Variants in NDP observed in about 807,000 individuals in gnomAD.
NDP encodes the protein norrin.
In NDP, 2 loss-of-function variants were observed where a neutral mutation model predicts 8.4. The ratio of observed to expected loss-of-function variants is 0.24; its 90% CI spans 0.10 to 0.75. NDP has a LOEUF of 0.75. Ranked by LOEUF, NDP falls within the 30% of genes least tolerant of loss-of-function variation. The pLI is 0.73. For missense variants in NDP, 81 were observed against 110.1 expected (o/e 0.74, Z 1.18); for synonymous variants, 55 against 45.6 (o/e 1.21, Z -0.83).
chrX:43,965,701 T>C (rs1249005168), intron 1 of NDP, among the ~76,000 whole-genome samples: 1 of 111,698 alleles, frequency 9.0e-6, no homozygotes, highest in Non-Finnish European at 1.9e-5. Context: ...GAGCCACAGA[T>C]CCTCGTGCCC....
intron 2 of NDP, among the ~76,000 whole-genome samples, chrX:43,956,447 G>C (rs1180307747): frequency 8.9e-6 from 1 of 111,758 alleles, no homozygotes; most frequent in Non-Finnish European, 1.9e-5. Flanking sequence ...CTAGACATAG[G>C]CTAAATGTTT....
At chrX:43,963,657 C>T in intron 1 of NDP, among the ~76,000 whole-genome samples, 1 of 111,701 alleles carries the variant, frequency 9.0e-6, no homozygotes, top group Non-Finnish European at 1.9e-5. Context: ...ATCAGAAAAG[C>T]AAGAAACTCT....
chrX:43,961,762 T>C (rs1236310466), intron 1 of NDP, among the ~76,000 whole-genome samples: 1 of 111,569 alleles, frequency 9.0e-6, no homozygotes, highest in Non-Finnish European at 1.9e-5. Context: ...CCAGTTTGAG[T>C]ATTTTAAAAA....
intron 2 of NDP, 85 bp downstream of exon 2, chrX:43,958,387 T>A: frequency 9.2e-7 from 1 of 1,087,395 alleles, no homozygotes; most frequent in Non-Finnish European, 1.3e-6. Flanking sequence ...GGCTATGATC[T>A]TAGTTCTCCA....
intron 2 of NDP, among the ~76,000 whole-genome samples, chrX:43,955,125 A>C (rs1488925903): frequency 1.8e-5 from 2 of 111,703 alleles, no homozygotes; most frequent in Non-Finnish European, 3.8e-5. Context: ...CTTCTGCCCC[A>C]CCCTGTGCTT....
intron 2 of NDP, among the ~76,000 whole-genome samples, chrX:43,956,301 C>T (rs1486238977): frequency 8.9e-6 from 1 of 111,752 alleles, no homozygotes; most frequent in Non-Finnish European, 1.9e-5. Flanking sequence ...AATTGGCAGG[C>T]AAACAGTAGG....
chrX:43,953,404 C>T (rs774119582), intron 2 of NDP: 94 of 112,024 alleles, frequency 8.4e-4, no homozygotes, highest in African/African-American at 3.0e-3. Context: ...TGTTAAAAGG[C>T]AAGTTCTGAT....
chrX:43,953,326 A>G (rs936889755), intron 2 of NDP: 8 of 112,517 alleles, frequency 7.1e-5, no homozygotes, highest in Non-Finnish European at 1.5e-4. Context: ...CAGCACTTGA[A>G]CATCTCCTGA....
intron 2 of NDP, 86 bp from the exon 3 acceptor site, chrX:43,950,112 C>T: frequency 1.2e-6 from 1 of 864,154 alleles, no homozygotes; most frequent in East Asian, 3.4e-5. Flanking sequence ...GACCCTCACA[C>T]TCGTTGCCAA....
chrX:43,963,891 C>T (rs905116113), intron 1 of NDP, among the ~76,000 whole-genome samples: 4 of 112,749 alleles, frequency 3.5e-5, no homozygotes, highest in Non-Finnish European at 7.5e-5. Context: ...CAGTAGCAGC[C>T]AAGGAGCCAA....
At chrX:43,961,648 GTGAATGTATACTTTA>G (rs1200044735) in intron 1 of NDP, among the ~76,000 whole-genome samples, 1 of 111,958 alleles carries the variant, frequency 8.9e-6, no homozygotes, top group Non-Finnish European at 1.9e-5. Context: ...TTTTGAGCTT[GTGAATGTATACTTTA>G]TTTAAAATTT....
chrX:43,954,924 C>T (rs2035783858), intron 2 of NDP, among the ~76,000 whole-genome samples: 1 of 111,482 alleles, frequency 9.0e-6, no homozygotes, highest in African/African-American at 3.3e-5. Flanking sequence ...CCAGGTCTTC[C>T]CTGCCAGTTT....
At chrX:43,960,790 TC>T in intron 1 of NDP, 1 of 112,067 alleles carries the variant, frequency 8.9e-6, no homozygotes, top group South Asian at 3.8e-4. Context: ...TACAGATATT[TC>T]CCCCAGGAGT....
intron 1 of NDP, among the ~76,000 whole-genome samples, chrX:43,964,074 G>C (rs1343616251): frequency 8.9e-6 from 1 of 111,819 alleles, no homozygotes; most frequent in African/African-American, 3.3e-5. Flanking sequence ...CCAGTGCAGG[G>C]GTGGTGGGGG....
intron 1 of NDP, among the ~76,000 whole-genome samples, chrX:43,971,752 C>T (rs17146801): frequency 0.044 from 4,850 of 111,266 alleles, 258 homozygotes; most frequent in African/African-American, 0.15. Flanking sequence ...TTATGGCTTT[C>T]TTGACTAATG....
intron 1 of NDP, among the ~76,000 whole-genome samples, chrX:43,969,179 C>T (rs1447405271): frequency 9.0e-6 from 1 of 111,410 alleles, no homozygotes; most frequent in Admixed American, 9.5e-5. Context: ...AAGAAAAAAT[C>T]CCGCCCCATC....
At chrX:43,960,746 G>GA (rs2035821864) in intron 1 of NDP, 1 of 112,139 alleles carries the variant, frequency 8.9e-6, no homozygotes, top group African/African-American at 3.2e-5. Flanking sequence ...ATTAGTGTCA[G>GA]AAAGAGAATT....
In NDP at chrX:43,965,814, C is replaced by T. The variant is rs747369097; in HGVS notation, c.-207-6962G>A. Among the ~76,000 whole-genome samples the T allele has an allele frequency of 4.5e-5, 5 of 111,680 alleles. No individual in the cohort carries two copies. The Admixed American group carries it at 4.7e-4, about 11-fold the overall frequency. ...GAATCAGTAGTCTTGGGGTCAAGAG[C>T]GAGGCCCTGTGCTTGGTAAAGTATC... On this transcript the variant is annotated intron_variant, in intron 1 of 2. Coordinates refer to ENST00000642620, the MANE Select transcript of NDP (RefSeq NM_000266.4).
At chrX:43,970,461 G>A (rs1204439613) in intron 1 of NDP, among the ~76,000 whole-genome samples, 1 of 111,969 alleles carries the variant, frequency 8.9e-6, no homozygotes, top group Admixed American at 9.4e-5. Context: ...CCAACCACGG[G>A]GGATTATCTG....
Sources: gnomAD v4.1 joint callset for allele counts (sites outside exome capture counted in the v4.1 genomes callset) on GRCh38, gnomAD v4.1.1 for gene constraint, MANE v1.5 for transcripts, NCBI Gene and HGNC (gene_info 2026-07-23, HGNC 2026-07-21) for gene names.